Variants in MARCHF1 observed in about 807,000 individuals in gnomAD.
MARCHF1 encodes the protein membrane associated ring-CH-type finger 1.
Under a neutral mutation model 54.2 loss-of-function variants are expected in MARCHF1, and 40 were observed. The observed-to-expected ratio is 0.74, with a 90% CI of 0.57 to 0.96. The LOEUF (loss-of-function observed/expected upper bound fraction) is 0.96, where lower values mean the gene tolerates loss of function less well. Ranked by LOEUF, MARCHF1 falls within the 40% of genes least tolerant of loss-of-function variation. The pLI is 0.00. For synonymous variants in MARCHF1, 236 were observed against 236.3 expected, an observed-to-expected ratio of 1.00 and a Z score of 0.01; for missense variants, 586 against 656.5, an observed-to-expected ratio of 0.89 and a Z score of 1.17.
chr4:163,692,953 T>G (rs1744509991), intron 5 of MARCHF1, among the ~76,000 whole-genome samples: 1 of 151,510 alleles, frequency 6.6e-6, no homozygotes, highest in Non-Finnish European at 1.5e-5. Context: ...TTTTCAATAT[T>G]TGTCATAAAT....
intron 4 of MARCHF1, among the ~76,000 whole-genome samples, chr4:163,825,597 C>A (rs1386331543): frequency 6.6e-6 from 1 of 151,970 alleles, no homozygotes; most frequent in Non-Finnish European, 1.5e-5. Context: ...ACAATCTTGC[C>A]AGCATCTGCT....
At chr4:164,135,814 C>A (rs1484689421) in intron 1 of MARCHF1, among the ~76,000 whole-genome samples, 2 of 152,194 alleles carry the variant, frequency 1.3e-5, no homozygotes, top group African/African-American at 2.4e-5. Flanking sequence ...AATATCCACA[C>A]CAGGATTATT....
intron 3 of MARCHF1, among the ~76,000 whole-genome samples, chr4:163,937,430 C>T (rs576788547): frequency 6.6e-6 from 1 of 151,806 alleles, no homozygotes; most frequent in Non-Finnish European, 1.5e-5. Flanking sequence ...GGAATGAACT[C>T]AAATCTTTAC....
chr4:164,299,491 G>T (rs1169600965), intron 1 of MARCHF1, among the ~76,000 whole-genome samples: 3 of 152,220 alleles, frequency 2.0e-5, no homozygotes, highest in South Asian at 2.1e-4. Context: ...TAAGGAAAAT[G>T]AATCAAGTAA....
intron 2 of MARCHF1, among the ~76,000 whole-genome samples, chr4:164,042,016 G>A (rs542894102): frequency 1.5e-4 from 23 of 152,148 alleles, no homozygotes; most frequent in East Asian, 3.9e-4. Flanking sequence ...ACTTATTGCC[G>A]CAGCTCCCAA....
At chr4:163,649,722 T>G (rs1489467527) in intron 5 of MARCHF1, among the ~76,000 whole-genome samples, 3 of 145,512 alleles carry the variant, frequency 2.1e-5, no homozygotes, top group Non-Finnish European at 3.0e-5. Context: ...CCCCACCACC[T>G]TCCATGATAC....
At chr4:163,892,487 T>C (rs1024556432) in intron 3 of MARCHF1, among the ~76,000 whole-genome samples, 1 of 151,818 alleles carries the variant, frequency 6.6e-6, no homozygotes, top group Admixed American at 6.6e-5. Context: ...GACAACCTTC[T>C]AGAGTTGTCA....
chr4:164,030,505 T>C (rs1378929774), intron 2 of MARCHF1, among the ~76,000 whole-genome samples: 1 of 152,212 alleles, frequency 6.6e-6, no homozygotes, highest in African/African-American at 2.4e-5. Context: ...ATATGAACAC[T>C]TTCTGTGAAA....
intron 1 of MARCHF1, among the ~76,000 whole-genome samples, chr4:164,285,028 C>T (rs1471590921): frequency 2.1e-5 from 3 of 142,600 alleles, no homozygotes; most frequent in Admixed American, 1.6e-4. Flanking sequence ...GTTTATTTTA[C>T]AAAAGTAGGT....
rs557272714 is a variant in MARCHF1, at chr4:163,634,291, C to T, written c.163-20898G>A. Among the ~76,000 whole-genome samples, 4 of 150,356 alleles carry T rather than the reference C, an allele frequency of 2.7e-5. No homozygotes were observed. The Middle Eastern group carries it at 0.01, about 386-fold the overall frequency. ...TGGACTAAATGCTCCAATTAAAACA[C>T]ACAGACTGGCAAATTGGATAAAGAG... On this transcript the variant is annotated intron_variant, in intron 5 of 9. Coordinates refer to ENST00000514618, the MANE Select transcript of MARCHF1 (RefSeq NM_001394959.1).
chr4:163,775,763 G>A (rs2110884972), intron 4 of MARCHF1, among the ~76,000 whole-genome samples: 1 of 152,220 alleles, frequency 6.6e-6, no homozygotes, highest in African/African-American at 2.4e-5. Context: ...TGAGCAAATT[G>A]ATCTGAGTTG....
chr4:163,766,698 T>C (rs1356948744), intron 4 of MARCHF1, among the ~76,000 whole-genome samples: 1 of 152,132 alleles, frequency 6.6e-6, no homozygotes, highest in Non-Finnish European at 1.5e-5. Flanking sequence ...CGAAATAAAC[T>C]ACACACCTGA....
intron 4 of MARCHF1, among the ~76,000 whole-genome samples, chr4:163,728,587 C>G (rs1745736942): frequency 6.6e-6 from 1 of 152,030 alleles, no homozygotes; most frequent in Admixed American, 6.6e-5. Flanking sequence ...GTTTCAATTT[C>G]AAATTTAACT....
At chr4:163,598,497 C>A (rs753929452) in intron 7 of MARCHF1, among the ~76,000 whole-genome samples, 1 of 152,218 alleles carries the variant, frequency 6.6e-6, no homozygotes, top group Admixed American at 6.5e-5. Flanking sequence ...CTACTCCACA[C>A]CTAGTCTGTA....
chr4:163,799,155 C>T (rs1748007789), intron 4 of MARCHF1, among the ~76,000 whole-genome samples: 1 of 152,052 alleles, frequency 6.6e-6, no homozygotes, highest in South Asian at 2.1e-4. Flanking sequence ...TCTGTACTGG[C>T]TACGTTTCAA....
intron 2 of MARCHF1, among the ~76,000 whole-genome samples, chr4:164,020,523 G>A (rs1236175642): frequency 1.3e-5 from 2 of 152,142 alleles, no homozygotes; most frequent in African/African-American, 4.8e-5. Context: ...AAAAATTGTA[G>A]CATGGCAACA....
chr4:163,575,387 G>T (rs1740002275), intron 8 of MARCHF1, among the ~76,000 whole-genome samples: 1 of 152,212 alleles, frequency 6.6e-6, no homozygotes, highest in South Asian at 2.1e-4. Flanking sequence ...AACCAATCTT[G>T]CATCCCAGGA....
chr4:163,745,230 G>GC (rs1397538864), intron 4 of MARCHF1, among the ~76,000 whole-genome samples: 2 of 150,254 alleles, frequency 1.3e-5, no homozygotes, highest in African/African-American at 2.4e-5. Context: ...CTCTGCTTCA[G>GC]CCCCCCGAGT....
At chr4:163,881,493 C>T (rs1331397006) in intron 3 of MARCHF1, among the ~76,000 whole-genome samples, 1 of 151,912 alleles carries the variant, frequency 6.6e-6, no homozygotes. Flanking sequence ...AAAAATTATC[C>T]AACAAATGTG....
Sources: gnomAD v4.1 joint callset for allele counts (sites outside exome capture counted in the v4.1 genomes callset) on GRCh38, gnomAD v4.1.1 for gene constraint, MANE v1.5 for transcripts, NCBI Gene and HGNC (gene_info 2026-07-23, HGNC 2026-07-21) for gene names.